Variants in CFAP54 observed in about 807,000 individuals in gnomAD.
The protein encoded by CFAP54 is cilia- and flagella-associated protein 54.
In CFAP54, 290 loss-of-function variants were observed where a neutral mutation model predicts 370.4. The observed-to-expected ratio is 0.78, with a 90% confidence interval of 0.71 to 0.86. The LOEUF (loss-of-function observed/expected upper bound fraction) is 0.86, where lower values mean the gene tolerates loss of function less well. Ranked by LOEUF, CFAP54 falls within the 40% of genes least tolerant of loss-of-function variation. CFAP54 has a pLI of 0.00. For synonymous variants in CFAP54, 1,206 were observed against 1,236.5 expected, an observed-to-expected ratio of 0.98 and a Z score of 0.52; for missense variants, 3,399 against 3,528.7, an observed-to-expected ratio of 0.96 and a Z score of 0.93.
intron 42 of CFAP54, among the ~76,000 whole-genome samples, chr12:96,686,258 A>T (rs1957328572): frequency 6.6e-6 from 1 of 152,130 alleles, no homozygotes; most frequent in Non-Finnish European, 1.5e-5. Flanking sequence ...TCCTCTTCTT[A>T]TATGGATACC....
chr12:96,635,371 G>A (rs966693337), intron 32 of CFAP54, among the ~76,000 whole-genome samples: 9 of 151,826 alleles, frequency 5.9e-5, no homozygotes, highest in Admixed American at 5.9e-4. Context: ...ATGATCGTGC[G>A]ATAAACTACA....
In CFAP54 at chr12:96,789,812, C is replaced by G. The variant is rs567391816; in HGVS notation, c.8680-2517C>G. Among the ~76,000 whole-genome samples the G allele has an allele frequency of 5.3e-5, 8 of 152,274 alleles. No homozygotes were observed. The East Asian group carries it at 1.4e-3, about 26-fold the overall frequency. ...AAATCAGCTCTGGAGATCATTGTCT[C>G]TTGCCTGACAGGTGAAGCCACCTCA... On this transcript the variant is annotated intron_variant, in intron 62 of 67. Coordinates refer to ENST00000524981, the MANE Select transcript of CFAP54 (RefSeq NM_001306084.2).
At chr12:96,684,172 T>G (rs1346427919) in intron 40 of CFAP54, among the ~76,000 whole-genome samples, 1 of 152,194 alleles carries the variant, frequency 6.6e-6, no homozygotes, top group African/African-American at 2.4e-5. Context: ...ACATGTCTGC[T>G]AAAAAACAAA....
intron 65 of CFAP54, among the ~76,000 whole-genome samples, chr12:96,823,221 C>T (rs1959052717): frequency 6.6e-6 from 1 of 152,098 alleles, no homozygotes; most frequent in African/African-American, 2.4e-5. Context: ...TTTTCTAGCC[C>T]TTCTAGACTG....
intron 17 of CFAP54, among the ~76,000 whole-genome samples, chr12:96,562,424 C>A (rs1365874162): frequency 4.4e-5 from 6 of 137,524 alleles, no homozygotes; most frequent in African/African-American, 8.0e-5. Flanking sequence ...TTTGTATTTG[C>A]ATTCTTTTTT....
At chr12:96,734,381 G>A (rs972775748) in intron 50 of CFAP54, among the ~76,000 whole-genome samples, 12 of 152,108 alleles carry the variant, frequency 7.9e-5, no homozygotes, top group Non-Finnish European at 1.8e-4. Context: ...CGAGGGCAGG[G>A]ATTCTTGTTT....
rs528677189 is a variant in CFAP54 at position 96,721,445 on chromosome 12, T to C, written c.6965+880T>C. On this transcript the variant is annotated intron_variant, in intron 50 of 67. Coordinates refer to ENST00000524981, the MANE Select transcript of CFAP54 (RefSeq NM_001306084.2). ...TAGGCAGTGAAGATATAAAGATGCA[T>C]AGAATACAATTTCTGTATCCATATG... is the stretch of plus-strand genomic sequence containing the variant. Among the ~76,000 whole-genome samples, 6 of 152,342 alleles carry C rather than the reference T, an allele frequency of 3.9e-5. No individual in the cohort carries two copies. The South Asian group carries it at 8.3e-4, about 21-fold the overall frequency.
chr12:96,580,551 A>T, intron 20 of CFAP54, 46 bp from the exon 21 acceptor site: 1 of 1,016,744 alleles, frequency 9.8e-7, no homozygotes, highest in African/African-American at 1.7e-5. Flanking sequence ...TGTTACATTG[A>T]TATAAAAGAA....
chr12:96,554,692 A>G lies in CFAP54; in HGVS notation c.2300A>G (p.Asp767Gly), dbSNP rs1420763104. ...GGACCAAAGCGTACCCACCATATAG[A>G]TGGAGATACTTACAAACCACTTGCC... ...HCYAKRTHHI[D>G]GDTYKPLASN... The change falls in exon 17 of 68, where the codon GAT becomes GGT. Residue 767 changes from aspartate (D) to glycine (G), a missense_variant. Around this residue, in one of 3 missense-constraint regions of CFAP54, gnomAD observed 2,796 missense variants for 2,869.7 expected, o/e 0.97. Coordinates refer to ENST00000524981, the MANE Select transcript of CFAP54 (RefSeq NM_001306084.2). 2 of 1,533,784 alleles carry G rather than the reference A, an allele frequency of 1.3e-6. No homozygotes were observed. The highest frequency in any genetic ancestry group is 1.4e-5 in the African/African-American group (1 of 72,986).
At chr12:96,553,326 T>C (rs892188728) in intron 15 of CFAP54, among the ~76,000 whole-genome samples, 1 of 151,942 alleles carries the variant, frequency 6.6e-6, no homozygotes, top group Admixed American at 6.6e-5. Context: ...AAAAGAGAAT[T>C]AAAAATATGC....
intron 51 of CFAP54, among the ~76,000 whole-genome samples, chr12:96,740,739 C>G (rs1270707283): frequency 6.6e-6 from 1 of 152,140 alleles, no homozygotes; most frequent in Non-Finnish European, 1.5e-5. Context: ...TGCTAAAAAG[C>G]AATCTAACTC....
In CFAP54 at chr12:96,744,139, G is replaced by C; in HGVS notation, c.7677G>C (p.Met2559Ile). The C allele has an allele frequency of 6.2e-7, 1 of 1,605,472 alleles. No individual in the cohort carries two copies. Among genetic ancestry groups the C allele is most frequent in the Non-Finnish European group, 8.5e-7 (1 of 1,174,208 alleles). ...PHVMLLAKIK[M>I]RIGHTVAKQV... is the part of the protein sequence containing the mutation. The stretch of plus-strand genomic sequence containing the variant: ...TCATGTTATTGGCCAAAATAAAAAT[G>C]AGAATTGGTAAGAACATTTAAACTT... Residue 2559 changes from methionine (M) to isoleucine (I), a missense_variant, in exon 55 of 68, where the codon ATG becomes ATC. By Grantham distance (10) the Met-to-Ile change is conservative. Around this residue, in one of 3 missense-constraint regions of CFAP54, gnomAD observed 2,796 missense variants for 2,869.7 expected, o/e 0.97. Transcript: ENST00000524981.
chr12:96,704,530 G>GA (rs1338570343), intron 46 of CFAP54, among the ~76,000 whole-genome samples: 11 of 119,984 alleles, frequency 9.2e-5, no homozygotes, highest in Admixed American at 6.7e-4. Context: ...AAGTTAGTAG[G>GA]AAAAACATCA....
chr12:96,831,534 C>A (rs1022594871), intron 66 of CFAP54, among the ~76,000 whole-genome samples: 1 of 152,154 alleles, frequency 6.6e-6, no homozygotes, highest in African/African-American at 2.4e-5. Context: ...TATTACGTCA[C>A]CCTTTACAGA....
chr12:96,641,388 A>G (rs1209403456), intron 32 of CFAP54, among the ~76,000 whole-genome samples: 3 of 152,236 alleles, frequency 2.0e-5, no homozygotes, highest in Non-Finnish European at 4.4e-5. Context: ...ATACCATCTC[A>G]CACCAGTTAG....
rs1955470263 is a variant in CFAP54, at chr12:96,533,847, A to G, written c.1413A>G (p.Glu471=). The change falls in exon 10 of 68, where the codon GAA becomes GAG. Residue 471 remains glutamate (E), a synonymous_variant. Coordinates refer to ENST00000524981, the MANE Select transcript of CFAP54 (RefSeq NM_001306084.2). ...MLDFPKTSLL[E]LMIGRKDVIS... is the part of the protein sequence containing the mutation. ...ATTTTCCAAAAACATCTCTTCTGGA[A>G]CTTATGATAGGAAGAAAAGATGTTA... The G allele has an allele frequency of 3.9e-6, 6 of 1,534,222 alleles. No homozygotes were observed. Among genetic ancestry groups the G allele is most frequent in the Non-Finnish European group, 5.2e-6 (6 of 1,146,212 alleles).
At chr12:96,815,416 G>A (rs1357111445) in intron 64 of CFAP54, among the ~76,000 whole-genome samples, 3 of 151,338 alleles carry the variant, frequency 2.0e-5, no homozygotes, top group Admixed American at 2.0e-4. Flanking sequence ...TTTTTTTCTT[G>A]TAAATTTGTT....
At chr12:96,782,616 T>C (rs972571409) in intron 60 of CFAP54, among the ~76,000 whole-genome samples, 4 of 152,134 alleles carry the variant, frequency 2.6e-5, no homozygotes, top group African/African-American at 9.6e-5. Flanking sequence ...AAACATACCA[T>C]GTTTATAGTT....
intron 66 of CFAP54, among the ~76,000 whole-genome samples, chr12:96,858,701 C>T (rs2136461057): frequency 6.6e-6 from 1 of 152,138 alleles, no homozygotes; most frequent in South Asian, 2.1e-4. Context: ...GTGAAAGATC[C>T]CTGCAATGAG....
Sources: allele counts gnomAD v4.1 joint callset (sites outside exome capture counted in the v4.1 genomes callset), GRCh38; gene constraint gnomAD v4.1.1; regional missense constraint gnomAD v4.1.1; transcripts MANE v1.5; gene names NCBI Gene and HGNC (gene_info 2026-07-23, HGNC 2026-07-21).